Variants in TBC1D2B observed in about 807,000 individuals in gnomAD.
TBC1D2B encodes TBC1 domain family, member 2B.
Under a neutral mutation model 100.8 loss-of-function variants are expected in TBC1D2B, and 64 were observed. The observed-to-expected ratio is 0.64, with a 90% CI of 0.52 to 0.78. The LOEUF (loss-of-function observed/expected upper bound fraction) is 0.78. TBC1D2B is among the 30% of genes least tolerant of loss of function. The probability of loss-of-function intolerance (pLI) is 0.00; values close to 1 mark genes in which losing one functional copy is unlikely to be tolerated. For missense variants in TBC1D2B, 1,052 were observed against 1,218.4 expected (o/e 0.86, Z 2.03); for synonymous variants, 480 against 479.7 (o/e 1.00, Z -0.01).
At chr15:78,004,659 T>C (rs1484045506) in intron 10 of TBC1D2B, among the ~76,000 whole-genome samples, 1 of 152,264 alleles carries the variant, frequency 6.6e-6, no homozygotes, top group Non-Finnish European at 1.5e-5. Flanking sequence ...TTGATGCTTT[T>C]AATTCTAATC....
At chr15:78,026,151 G>GT (rs34676496) in intron 4 of TBC1D2B, among the ~76,000 whole-genome samples, 2,856 of 145,502 alleles carry the variant, frequency 0.02, 35 homozygotes, top group Middle Eastern at 0.069. Context: ...GGTTTTTGTT[G>GT]TTTTTTTTTT....
At chr15:78,039,591 C>T (rs2141751088) in intron 3 of TBC1D2B, among the ~76,000 whole-genome samples, 1 of 152,302 alleles carries the variant, frequency 6.6e-6, no homozygotes, top group African/African-American at 2.4e-5. Flanking sequence ...CTCACTTCAC[C>T]TACTGGCTCA....
intron 1 of TBC1D2B, among the ~76,000 whole-genome samples, chr15:78,067,331 A>G (rs1315146283): frequency 6.6e-6 from 1 of 152,150 alleles, no homozygotes; most frequent in Non-Finnish European, 1.5e-5. Flanking sequence ...TGCCCTAATC[A>G]CACCCAAAAC....
Position 78,067,957 on chromosome 15 carries a change from T to A in TBC1D2B, c.360+9336A>T, listed in dbSNP as rs1258966788. On this transcript the variant is annotated intron_variant, in intron 1 of 12. Coordinates refer to ENST00000300584, the MANE Select transcript of TBC1D2B (RefSeq NM_144572.2). The stretch of plus-strand genomic sequence containing the variant: ...CTTGATAATCAGTTATACAGAACTC[T>A]CCAATTCTGCAGTGTTCACCAAAAT... 3.3e-5 allele frequency among the ~76,000 whole-genome samples: 5 copies of A among 152,222 alleles called. No homozygotes were observed. The East Asian group carries it at 9.6e-4, about 29-fold the overall frequency.
At chr15:78,068,383 CCA>C (rs35403620) in intron 1 of TBC1D2B, among the ~76,000 whole-genome samples, 2,272 of 142,942 alleles carry the variant, frequency 0.016, 20 homozygotes, top group African/African-American at 0.02. Context: ...CACACCACAC[CCA>C]CACACACACA....
intron 5 of TBC1D2B, 122 bp from the exon 6 acceptor site, chr15:78,024,661 A>G: frequency 1.1e-6 from 1 of 916,962 alleles, no homozygotes. Context: ...ACTTTACTGG[A>G]AACATTTTAA....
chr15:78,001,613 A>G lies in TBC1D2B; in HGVS notation c.2696+6T>C. ...CCTTGACATCTGAGAACTCCCCAGG[A>G]CTCACCTAGCATCAAGGATAGTGCG... On this transcript the variant is annotated splice_donor_region_variant and intron_variant, in intron 12 of 12. Coordinates refer to ENST00000300584, the MANE Select transcript of TBC1D2B (RefSeq NM_144572.2). 1 of 1,607,734 alleles carries G rather than the reference A, an allele frequency of 6.2e-7. No individual in the cohort carries two copies. Among genetic ancestry groups the G allele is most frequent in the Non-Finnish European group, 8.5e-7 (1 of 1,177,130 alleles).
chr15:78,021,959 C>T (rs968169701), intron 6 of TBC1D2B, among the ~76,000 whole-genome samples: 1 of 152,224 alleles, frequency 6.6e-6, no homozygotes, highest in Non-Finnish European at 1.5e-5. Context: ...CCCGGGAAAA[C>T]CTGCTCCACA....
intron 3 of TBC1D2B, among the ~76,000 whole-genome samples, chr15:78,042,382 T>C (rs1352933034): frequency 1.3e-5 from 2 of 152,348 alleles, no homozygotes; most frequent in East Asian, 3.9e-4. Flanking sequence ...TTAGGAGACC[T>C]GGGTGTGTGT....
intron 2 of TBC1D2B, among the ~76,000 whole-genome samples, chr15:78,050,956 C>G (rs1220994327): frequency 6.6e-6 from 1 of 152,212 alleles, no homozygotes; most frequent in Non-Finnish European, 1.5e-5. Context: ...CTAGGAATGG[C>G]CATATGACAG....
chr15:78,029,357 C>T (rs2072751262), intron 4 of TBC1D2B, among the ~76,000 whole-genome samples: 1 of 152,122 alleles, frequency 6.6e-6, no homozygotes, highest in Admixed American at 6.5e-5. Flanking sequence ...CACGCCTGGC[C>T]AGTTATAATT....
In TBC1D2B at chr15:77,995,823, A is replaced by G. The variant is rs1327197689; in HGVS notation, c.*2337T>C. ...GGGTGTTGGGGTGAAGGTTCAGAGGAGGAACAGCAGCTTGGGGCAGCCCCT... is the reference window on the plus strand; with the variant it reads ...GGGTGTTGGGGTGAAGGTTCAGAGGGGGAACAGCAGCTTGGGGCAGCCCCT... On this transcript the variant is annotated 3_prime_UTR_variant, in exon 13 of 13. Coordinates refer to ENST00000300584, the MANE Select transcript of TBC1D2B (RefSeq NM_144572.2). 6.6e-6 allele frequency: 1 copy of G among 151,534 alleles called. No individual in the cohort carries two copies. Among genetic ancestry groups the G allele is most frequent in the East Asian group, 2.0e-4 (1 of 5,092 alleles). The allele number at this position is 151,534 out of a possible 1,614,324, so 9.4% of individuals were successfully genotyped here. A position where few individuals can be genotyped will look rare whatever the true frequency, so the allele number is the denominator to read the frequency against.
intron 3 of TBC1D2B, among the ~76,000 whole-genome samples, chr15:78,031,262 G>A (rs1023014690): frequency 1.3e-5 from 2 of 152,130 alleles, no homozygotes; most frequent in East Asian, 3.8e-4. Flanking sequence ...GGATCAAGAA[G>A]AGAGGATTTA....
At position 78,077,579 on chromosome 15, in the gene TBC1D2B, TCCGCGGCCGCCCCCTGCG is replaced by T. The variant is rs1353830591; in HGVS notation, c.56_73del (p.Ala19_Ala24del). ...CTCCCGCGCCGGACCCGCCCCGGGC[TCCGCGGCCGCCCCCTGCG>T]CCGCGCCCTCGCCGCCGCCGCCGCC... On this transcript the variant is annotated inframe_deletion, in exon 1 of 13. Coordinates refer to ENST00000300584, the MANE Select transcript of TBC1D2B (RefSeq NM_144572.2). 6.1e-5 allele frequency: 83 copies of T among 1,367,616 alleles called. No individual in the cohort carries two copies. Among genetic ancestry groups the T allele is most frequent in the Non-Finnish European group, 7.5e-5 (79 of 1,055,284 alleles). 84.7% of individuals were successfully genotyped at this position (1,367,616 alleles called of 1,614,324 possible). A position where few individuals can be genotyped will look rare whatever the true frequency, so the allele number is the denominator to read the frequency against.
At chr15:78,013,387 T>G (rs2072286600) in intron 8 of TBC1D2B, 70 bp from the exon 9 acceptor site, 1 of 1,402,182 alleles carries the variant, frequency 7.1e-7, no homozygotes, top group East Asian at 2.5e-5. Flanking sequence ...GCAACAGAAA[T>G]AGAGAGTCTA....
At chr15:78,001,413 A>G (rs1482224614) in intron 12 of TBC1D2B, among the ~76,000 whole-genome samples, 2 of 152,220 alleles carry the variant, frequency 1.3e-5, no homozygotes, top group African/African-American at 4.8e-5. Flanking sequence ...AGGATAAAGG[A>G]CAGAATCCTC....
At chr15:77,998,445 G>C in intron 12 of TBC1D2B, 90 bp from the exon 13 acceptor site, 1 of 1,285,548 alleles carries the variant, frequency 7.8e-7, no homozygotes, top group Non-Finnish European at 1.1e-6. Flanking sequence ...GGTGGCCTGG[G>C]GCAGGGTGGG....
intron 1 of TBC1D2B, 148 bp downstream of exon 1, chr15:78,077,145 G>A (rs756859820): frequency 1.2e-5 from 14 of 1,121,600 alleles, no homozygotes; most frequent in Non-Finnish European, 1.7e-5. Context: ...AGGAACGAGG[G>A]CGGGATGTGG....
chr15:78,076,174 A>T (rs903181092), intron 1 of TBC1D2B, among the ~76,000 whole-genome samples: 1 of 152,162 alleles, frequency 6.6e-6, no homozygotes, highest in African/African-American at 2.4e-5. Flanking sequence ...ACTCCCAAGG[A>T]CAGGGGAGGC....
Sources: allele counts gnomAD v4.1 joint callset (sites outside exome capture counted in the v4.1 genomes callset), GRCh38; gene constraint gnomAD v4.1.1; transcripts MANE v1.5; gene names NCBI Gene and HGNC (gene_info 2026-07-23, HGNC 2026-07-21).